Variants in PTPN5 observed in about 807,000 individuals in gnomAD.
The protein encoded by PTPN5 is protein tyrosine phosphatase non-receptor type 5.
In PTPN5, 29 loss-of-function variants were observed where a neutral mutation model predicts 73.9. That is an observed-to-expected ratio of 0.39 (90% CI 0.29 to 0.54). The LOEUF (loss-of-function observed/expected upper bound fraction) is 0.54, where lower values mean the gene tolerates loss of function less well. Ranked by LOEUF, PTPN5 falls within the 20% of genes least tolerant of loss-of-function variation. The probability of loss-of-function intolerance (pLI) is 0.65; values close to 1 mark genes in which losing one functional copy is unlikely to be tolerated. For missense variants in PTPN5, 652 were observed against 751.4 expected (o/e 0.87, Z 1.55); for synonymous variants, 267 against 304.7 (o/e 0.88, Z 1.29).
intron 3 of PTPN5, among the ~76,000 whole-genome samples, chr11:18,753,867 C>T (rs898265097): frequency 2.0e-5 from 3 of 152,004 alleles, no homozygotes; most frequent in Non-Finnish European, 4.4e-5. Flanking sequence ...ACCATGGCAC[C>T]GTGGGGGAAC....
chr11:18,748,614 C>T (rs2134244526), intron 3 of PTPN5, among the ~76,000 whole-genome samples: 2 of 151,646 alleles, frequency 1.3e-5, no homozygotes. Context: ...GATGCATGGA[C>T]CTCAGGTTAA....
Position 18,763,491 on chromosome 11 carries a change from T to C in PTPN5, c.97+2316A>G, listed in dbSNP as rs1422603981. ...AGCAAATGACACTGATTTCCTAGGA[T>C]ATTCCATGACCAAAACTCTTCTATT... On this transcript the variant is annotated intron_variant, in intron 3 of 14. Transcript: ENST00000358540. 3.3e-5 allele frequency among the ~76,000 whole-genome samples: 5 copies of C among 152,234 alleles called. No individual in the cohort carries two copies. In the East Asian group the frequency reaches 9.6e-4, roughly 29 times the overall value.
rs1235158665 is a variant in PTPN5 at position 18,734,291 on chromosome 11, T to C, written c.1001-656A>G. On this transcript the variant is annotated intron_variant, in intron 9 of 14. Transcript: ENST00000358540. ...GGGGTCTCAGCCTCATGTCCACATA[T>C]GCAAAAAGGTTTTTTTTCCTTTCAA... 2.0e-5 allele frequency among the ~76,000 whole-genome samples: 3 copies of C among 152,156 alleles called. 1 individual carries two copies. Among genetic ancestry groups the C allele is most frequent in the South Asian group, 4.1e-4 (2 of 4,834 alleles).
At chr11:18,762,425 T>C (rs569655372) in intron 3 of PTPN5, among the ~76,000 whole-genome samples, 5 of 152,266 alleles carry the variant, frequency 3.3e-5, no homozygotes, top group South Asian at 2.1e-4. Context: ...TTTCCTTTTA[T>C]GTCCAAGTTG....
chr11:18,789,690 A>G (rs1048704421), intron 1 of PTPN5, among the ~76,000 whole-genome samples: 2 of 152,222 alleles, frequency 1.3e-5, no homozygotes, highest in African/African-American at 4.8e-5. Context: ...GAAGTAACTC[A>G]GGAATGGAAA....
intron 12 of PTPN5, among the ~76,000 whole-genome samples, chr11:18,732,036 C>T (rs1848900611): frequency 6.6e-6 from 1 of 152,202 alleles, no homozygotes; most frequent in Non-Finnish European, 1.5e-5. Context: ...TACCTTCTCC[C>T]ACTCTTCTGG....
At chr11:18,758,741 A>G (rs1021417336) in intron 3 of PTPN5, among the ~76,000 whole-genome samples, 23 of 152,072 alleles carry the variant, frequency 1.5e-4, no homozygotes, top group African/African-American at 5.6e-4. Context: ...CCTGAGCCAG[A>G]CCAAAGAGAA....
Position 18,728,684 on chromosome 11 carries a change from T to G in PTPN5, c.*250A>C. The G allele has an allele frequency of 2.2e-6, 1 of 451,002 alleles. No homozygotes were observed. The highest frequency in any genetic ancestry group is 2.0e-5 in the African/African-American group (1 of 49,560). The allele number at this position is 451,002 out of a possible 1,614,324, so 27.9% of individuals were successfully genotyped here. On this transcript the variant is annotated 3_prime_UTR_variant, in exon 15 of 15. Transcript: ENST00000358540. The surrounding 1 kb of genome is among the most constrained non-coding windows in gnomAD (Gnocchi z 4.1). Reference sequence around the variant, plus strand: ...AAACTGGAGCCCGGGGTCTGCGTGGTGTGGGTCAGGCCCCGGGGCCCCAGG... The same window carrying G: ...AAACTGGAGCCCGGGGTCTGCGTGGGGTGGGTCAGGCCCCGGGGCCCCAGG...
Position 18,742,593 on chromosome 11 carries a change from T to C in PTPN5, c.484-90A>G. ...GCCCATGGGATTGACGCCCCCCCAC[T>C]CCCTCAGTGTGTCTAGAGCAGCTCT... On this transcript the variant is annotated intron_variant, in intron 6 of 14. Coordinates refer to ENST00000358540, the MANE Select transcript of PTPN5 (RefSeq NM_006906.2). This position sits in a 1 kb window ranked among gnomAD's most constrained non-coding sequence, Gnocchi z 4.1. 1 of 1,536,298 alleles carries C rather than the reference T, an allele frequency of 6.5e-7. No individual in the cohort carries two copies. Among genetic ancestry groups the C allele is most frequent in the Non-Finnish European group, 8.7e-7 (1 of 1,143,782 alleles).
At position 18,742,587 on chromosome 11, in the gene PTPN5, C is replaced by A. The variant is rs1849419341; in HGVS notation, c.484-84G>T. ...TGGAGTGCCCATGGGATTGACGCCC[C>A]CCCACTCCCTCAGTGTGTCTAGAGC... On this transcript the variant is annotated intron_variant, in intron 6 of 14. Transcript: ENST00000358540. The surrounding 1 kb of genome is among the most constrained non-coding windows in gnomAD (Gnocchi z 4.1). 1 of 1,552,354 alleles carries A rather than the reference C, an allele frequency of 6.4e-7. No individual in the cohort carries two copies. The highest frequency in any genetic ancestry group is 8.7e-7 in the Non-Finnish European group (1 of 1,153,210).
chr11:18,737,235 G>T (rs1270904953), intron 9 of PTPN5, among the ~76,000 whole-genome samples: 2 of 152,168 alleles, frequency 1.3e-5, no homozygotes, highest in African/African-American at 4.8e-5. Flanking sequence ...TGAAAGAGGA[G>T]CATCAGGTCA....
chr11:18,733,643 G>A lies in PTPN5; in HGVS notation c.1001-8C>T. On this transcript the variant is annotated splice_region_variant and splice_polypyrimidine_tract_variant and intron_variant, in intron 9 of 14. Transcript: ENST00000358540. The surrounding 1 kb of genome is among the most constrained non-coding windows in gnomAD (Gnocchi z 4.3). ...ACACTCTGCTGTGAGGGTCTGGGGTGGTGGGAGACAAGTAAGGCTGGAAAC... is the reference window on the plus strand; with the variant it reads ...ACACTCTGCTGTGAGGGTCTGGGGTAGTGGGAGACAAGTAAGGCTGGAAAC... 1 of 1,614,128 alleles carries A rather than the reference G, an allele frequency of 6.2e-7. No homozygotes were observed. Among genetic ancestry groups the A allele is most frequent in the Non-Finnish European group, 8.5e-7 (1 of 1,179,956 alleles).
rs958389239 is a variant in PTPN5, at chr11:18,728,519, T to G, written c.*415A>C. Reference sequence around the variant, plus strand: ...AGTCCGGTTGCTTAGGGGCTGGAGCTCATTACCCCTTCCTGGCTGAGGAGA... The same window carrying G: ...AGTCCGGTTGCTTAGGGGCTGGAGCGCATTACCCCTTCCTGGCTGAGGAGA... On this transcript the variant is annotated 3_prime_UTR_variant, in exon 15 of 15. Coordinates refer to ENST00000358540, the MANE Select transcript of PTPN5 (RefSeq NM_006906.2). This position sits in a 1 kb window ranked among gnomAD's most constrained non-coding sequence, Gnocchi z 4.1. 2.5e-5 allele frequency: 4 copies of G among 158,500 alleles called. No individual in the cohort carries two copies. The highest frequency in any genetic ancestry group is 5.5e-5 in the Non-Finnish European group (4 of 72,202). The allele number at this position is 158,500 out of a possible 1,614,324, so 9.8% of individuals were successfully genotyped here. A position where few individuals can be genotyped will look rare whatever the true frequency, so the allele number is the denominator to read the frequency against.
At chr11:18,737,818 G>T in intron 9 of PTPN5, 62 bp downstream of exon 9, 1 of 1,437,580 alleles carries the variant, frequency 7.0e-7, no homozygotes, top group Non-Finnish European at 9.8e-7. Flanking sequence ...CCTCCTCAGG[G>T]TGAGGGGATC....
Position 18,728,671 on chromosome 11 carries a change from G to A in PTPN5, c.*263C>T, listed in dbSNP as rs756671148. 2 of 416,058 alleles carry A rather than the reference G, an allele frequency of 4.8e-6. No individual in the cohort carries two copies. Among genetic ancestry groups the A allele is most frequent in the African/African-American group, 2.1e-5 (1 of 48,694 alleles). The allele number at this position is 416,058 out of a possible 1,614,324, so 25.8% of individuals were successfully genotyped here. The stretch of plus-strand genomic sequence containing the variant: ...GAACCATCGTTAAAAACTGGAGCCC[G>A]GGGTCTGCGTGGTGTGGGTCAGGCC... On this transcript the variant is annotated 3_prime_UTR_variant, in exon 15 of 15. Transcript: ENST00000358540. The surrounding 1 kb of genome is among the most constrained non-coding windows in gnomAD (Gnocchi z 4.1).
intron 2 of PTPN5, among the ~76,000 whole-genome samples, chr11:18,768,706 A>G (rs1268511823): frequency 2.6e-5 from 4 of 152,204 alleles, no homozygotes; most frequent in South Asian, 2.1e-4. Flanking sequence ...AGGAAAATGG[A>G]GCAAGAGCCT....
intron 1 of PTPN5, among the ~76,000 whole-genome samples, chr11:18,789,734 A>G (rs1590635070): frequency 6.6e-6 from 1 of 152,220 alleles, no homozygotes; most frequent in Non-Finnish European, 1.5e-5. Context: ...CATAAGTGAG[A>G]GCTAAGCTAT....
chr11:18,783,092 AG>A (rs1851516248), intron 1 of PTPN5, among the ~76,000 whole-genome samples: 1 of 152,242 alleles, frequency 6.6e-6, no homozygotes, highest in Non-Finnish European at 1.5e-5. Context: ...CCTAACTCTT[AG>A]CCCACTGGCC....
chr11:18,747,981 G>A (rs1849715838), intron 3 of PTPN5, among the ~76,000 whole-genome samples: 1 of 152,102 alleles, frequency 6.6e-6, no homozygotes, highest in East Asian at 1.9e-4. Flanking sequence ...GAGATTAGAG[G>A]TGATTTCATT....
Sources: gnomAD v4.1 joint callset for allele counts (sites outside exome capture counted in the v4.1 genomes callset) on GRCh38, gnomAD v4.1.1 for gene constraint, Gnocchi (gnomAD v3.1) non-coding constraint, MANE v1.5 for transcripts, NCBI Gene and HGNC (gene_info 2026-07-23, HGNC 2026-07-21) for gene names.